The following CDH13 variants were observed in gnomAD, a reference collection of about 807,000 sequenced individuals.
The protein encoded by CDH13 is cadherin 13.
CDH13 carries 24 observed loss-of-function variants against 63.8 expected under a neutral mutation model. That is an observed-to-expected ratio of 0.38 (90% CI 0.27 to 0.53). The LOEUF (loss-of-function observed/expected upper bound fraction) is 0.53. Ranked by LOEUF, CDH13 falls within the 20% of genes least tolerant of loss-of-function variation. The probability of loss-of-function intolerance (pLI) is 0.85; values close to 1 mark genes in which losing one functional copy is unlikely to be tolerated. For missense variants in CDH13, 1,049 were observed against 903.1 expected, an observed-to-expected ratio of 1.16 and a Z score of -2.07; for synonymous variants, 503 against 355.3, an observed-to-expected ratio of 1.42 and a Z score of -4.67.
chr16:82,628,081 A>G lies in CDH13; in HGVS notation c.45+944A>G, dbSNP rs2150860997. ...CAGAGATTTCGGGAAGTTTGAGTGCAGGAAAGCAGCGCTCCGAGGCCAGGC... is the reference window on the plus strand; with the variant it reads ...CAGAGATTTCGGGAAGTTTGAGTGCGGGAAAGCAGCGCTCCGAGGCCAGGC... On this transcript the variant is annotated intron_variant, in intron 1 of 13. Transcript: ENST00000567109. Among the ~76,000 whole-genome samples, 4 of 152,336 alleles carry G rather than the reference A, an allele frequency of 2.6e-5. No individual in the cohort carries two copies. The Middle Eastern group carries it at 0.01, about 389-fold the overall frequency.
chr16:83,648,847 C>T (rs1598411827), intron 8 of CDH13, among the ~76,000 whole-genome samples: 1 of 151,880 alleles, frequency 6.6e-6, no homozygotes, highest in African/African-American at 2.4e-5. Context: ...CTTTCTTCTT[C>T]CTTTCTTTGT....
intron 2 of CDH13, among the ~76,000 whole-genome samples, chr16:82,922,531 C>G (rs2042186876): frequency 6.6e-6 from 1 of 152,094 alleles, no homozygotes; most frequent in Admixed American, 6.5e-5. Flanking sequence ...TGGCCTTGCC[C>G]CTCTTCTTGT....
At chr16:83,304,961 A>T (rs1483276127) in intron 5 of CDH13, among the ~76,000 whole-genome samples, 1 of 152,202 alleles carries the variant, frequency 6.6e-6, no homozygotes, top group Non-Finnish European at 1.5e-5. Flanking sequence ...TATTTTACAA[A>T]GGAGCATTTT....
chr16:83,544,542 A>G (rs1050024664), intron 7 of CDH13, among the ~76,000 whole-genome samples: 18 of 152,332 alleles, frequency 1.2e-4, no homozygotes, highest in African/African-American at 4.3e-4. Context: ...GATGTTTAAC[A>G]CTTCGTTATA....
At chr16:83,780,381 T>C (rs953180060) in intron 12 of CDH13, among the ~76,000 whole-genome samples, 180 bp downstream of exon 12, 1 of 152,258 alleles carries the variant, frequency 6.6e-6, no homozygotes, top group African/African-American at 2.4e-5. Context: ...TATAAAAATA[T>C]TGAATATCTG....
intron 8 of CDH13, among the ~76,000 whole-genome samples, chr16:83,663,165 G>T (rs920381440): frequency 6.6e-6 from 1 of 152,124 alleles, no homozygotes; most frequent in Non-Finnish European, 1.5e-5. Context: ...TGATGGAGTG[G>T]TTACCCCGGA....
chr16:83,699,329 G>C (rs192569871), intron 10 of CDH13, among the ~76,000 whole-genome samples: 1 of 152,238 alleles, frequency 6.6e-6, no homozygotes, highest in Non-Finnish European at 1.5e-5. Flanking sequence ...CAGCCACTGA[G>C]TGTGGGAGCA....
intron 1 of CDH13, among the ~76,000 whole-genome samples, chr16:82,805,144 A>G (rs1306362535): frequency 6.6e-6 from 1 of 152,182 alleles, no homozygotes; most frequent in Admixed American, 6.5e-5. Context: ...GAGATCCTCT[A>G]TCTTCATGCT....
intron 10 of CDH13, among the ~76,000 whole-genome samples, chr16:83,713,031 C>G (rs1908300317): frequency 6.6e-6 from 1 of 152,176 alleles, no homozygotes; most frequent in Admixed American, 6.5e-5. Flanking sequence ...GGCCAAATAT[C>G]CCTGTTTAAA....
At chr16:83,010,135 CAAAAAA>C (rs67985333) in intron 2 of CDH13, among the ~76,000 whole-genome samples, 19 of 50,102 alleles carry the variant, frequency 3.8e-4, no homozygotes, top group African/African-American at 1.0e-3. Context: ...AACTCTGTCT[CAAAAAA>C]AAAAAAAAAA....
chr16:83,503,012 G>A (rs572179226), intron 7 of CDH13, among the ~76,000 whole-genome samples: 3 of 152,304 alleles, frequency 2.0e-5, no homozygotes, highest in East Asian at 1.9e-4. Flanking sequence ...AGCGGAGCTC[G>A]TTGGTTATGC....
At chr16:83,057,206 C>T (rs2031038480) in intron 3 of CDH13, among the ~76,000 whole-genome samples, 1 of 152,138 alleles carries the variant, frequency 6.6e-6, no homozygotes, top group South Asian at 2.1e-4. Context: ...ACCTCGTGAT[C>T]CACCTGCCTG....
At chr16:83,684,459 A>G (rs1336763776) in intron 10 of CDH13, among the ~76,000 whole-genome samples, 1 of 152,218 alleles carries the variant, frequency 6.6e-6, no homozygotes, top group South Asian at 2.1e-4. Flanking sequence ...GAAATGAAAC[A>G]TGGGAACTAA....
At chr16:83,783,219 A>C (rs780199544) in intron 12 of CDH13, 35 bp from the exon 13 acceptor site, 2 of 1,461,470 alleles carry the variant, frequency 1.4e-6, no homozygotes, top group South Asian at 2.3e-5. Context: ...AAAAAGTCTC[A>C]TCCACTCTCA....
intron 1 of CDH13, among the ~76,000 whole-genome samples, chr16:82,692,252 C>G (rs1435304872): frequency 6.6e-6 from 1 of 152,228 alleles, no homozygotes; most frequent in Non-Finnish European, 1.5e-5. Context: ...TGTTCACACT[C>G]TGCCTTTGAA....
chr16:83,021,090 C>T (rs1018127559), intron 2 of CDH13, among the ~76,000 whole-genome samples: 4 of 152,122 alleles, frequency 2.6e-5, no homozygotes, highest in South Asian at 4.1e-4. Flanking sequence ...TCTGTAAATC[C>T]GAGATTTGGT....
At chr16:83,254,377 T>C (rs1047584466) in intron 5 of CDH13, among the ~76,000 whole-genome samples, 8 of 152,194 alleles carry the variant, frequency 5.3e-5, no homozygotes, top group African/African-American at 1.2e-4. Flanking sequence ...AGACCTAAGA[T>C]TGAGGAACCT....
chr16:83,291,691 C>G (rs1264069330), intron 5 of CDH13, among the ~76,000 whole-genome samples: 1 of 152,052 alleles, frequency 6.6e-6, no homozygotes, highest in African/African-American at 2.4e-5. Context: ...GCTAATAACT[C>G]AAAACCGGTG....
At chr16:83,476,906 C>G (rs1247617271) in intron 6 of CDH13, among the ~76,000 whole-genome samples, 2 of 152,126 alleles carry the variant, frequency 1.3e-5, no homozygotes, top group South Asian at 2.1e-4. Flanking sequence ...TATCCTATGT[C>G]TTTCAAAAAG....
Sources: allele counts gnomAD v4.1 joint callset (sites outside exome capture counted in the v4.1 genomes callset), GRCh38; gene constraint gnomAD v4.1.1; transcripts MANE v1.5; gene names NCBI Gene and HGNC (gene_info 2026-07-23, HGNC 2026-07-21).